HMCN1: variants seen among roughly 807,000 people sequenced by gnomAD.
HMCN1 encodes hemicentin-1.
HMCN1 carries 321 observed loss-of-function variants against 625.9 expected under a neutral mutation model. The ratio of observed to expected loss-of-function variants is 0.51; its 90% CI spans 0.47 to 0.56. The LOEUF (loss-of-function observed/expected upper bound fraction) is 0.56. HMCN1 is among the 20% of genes least tolerant of loss of function. The pLI is 0.00. For synonymous variants in HMCN1, 2,425 were observed against 2,417.6 expected, an observed-to-expected ratio of 1.00 and a Z score of -0.09; for missense variants, 6,588 against 6,887.3, an observed-to-expected ratio of 0.96 and a Z score of 1.54.
chr1:185,816,197 A>G (rs1659838763), intron 1 of HMCN1, among the ~76,000 whole-genome samples: 1 of 152,240 alleles, frequency 6.6e-6, no homozygotes. Flanking sequence ...CAAAGGAAGA[A>G]CAAATTATAG....
At chr1:185,985,313 G>C (rs748361386) in intron 19 of HMCN1, among the ~76,000 whole-genome samples, 3 of 152,168 alleles carry the variant, frequency 2.0e-5, no homozygotes, top group Non-Finnish European at 4.4e-5. Flanking sequence ...GGATATGGTT[G>C]TGTAACTATT....
intron 74 of HMCN1, 33 bp from the exon 75 acceptor site, chr1:186,115,225 G>T (rs747545443): frequency 6.2e-7 from 1 of 1,612,674 alleles, no homozygotes; most frequent in East Asian, 2.2e-5. Context: ...TTTGCTGACT[G>T]TGTTTCCTTC....
At chr1:186,053,717 AT>A (rs1440854570) in intron 43 of HMCN1, 107 bp from the exon 44 acceptor site, 2 of 1,079,292 alleles carry the variant, frequency 1.9e-6, no homozygotes, top group Non-Finnish European at 2.8e-6. Context: ...TTACAGTGTC[AT>A]TTGCCTTTTA....
chr1:186,082,107 A>G (rs761217700), intron 56 of HMCN1, among the ~76,000 whole-genome samples: 10 of 152,210 alleles, frequency 6.6e-5, no homozygotes, highest in Non-Finnish European at 1.3e-4. Flanking sequence ...TTTCTATGTG[A>G]TAATCATATA....
At chr1:185,757,712 C>G (rs1202391305) in intron 1 of HMCN1, among the ~76,000 whole-genome samples, 1 of 152,104 alleles carries the variant, frequency 6.6e-6, no homozygotes, top group African/African-American at 2.4e-5. Context: ...TGATATATTT[C>G]TAACTCTTTA....
chr1:185,867,216 T>C (rs1181304600), intron 4 of HMCN1, among the ~76,000 whole-genome samples: 1 of 152,190 alleles, frequency 6.6e-6, no homozygotes, highest in Admixed American at 6.5e-5. Context: ...GGTTATGCCT[T>C]AGGTTTATAT....
chr1:186,010,864 C>T (rs564217087), intron 30 of HMCN1, among the ~76,000 whole-genome samples: 1 of 152,116 alleles, frequency 6.6e-6, no homozygotes, highest in East Asian at 1.9e-4. Flanking sequence ...AAACAAATTT[C>T]TACAAAATTG....
intron 4 of HMCN1, among the ~76,000 whole-genome samples, chr1:185,899,163 T>A (rs1665662943): frequency 1.3e-5 from 2 of 152,158 alleles, no homozygotes; most frequent in Non-Finnish European, 2.9e-5. Context: ...CTCTAGTACA[T>A]GTTCCTTAGT....
chr1:186,165,186 A>G lies in HMCN1; in HGVS notation c.15319+13A>G, dbSNP rs1460197071. On this transcript the variant is annotated intron_variant, in intron 98 of 106. Coordinates refer to ENST00000271588, the MANE Select transcript of HMCN1 (RefSeq NM_031935.3). The stretch of plus-strand genomic sequence containing the variant: ...CCTTTTTGTGCTGGTAAGTACAGAG[A>G]TAAATAAAGGGTTTTCTTTTAATGA... The G allele has an allele frequency of 6.2e-7, 1 of 1,609,450 alleles. No homozygotes were observed. The highest frequency in any genetic ancestry group is 2.2e-5 in the East Asian group (1 of 44,840).
intron 2 of HMCN1, among the ~76,000 whole-genome samples, chr1:185,860,336 T>C (rs538132220): frequency 3.9e-5 from 6 of 152,276 alleles, no homozygotes; most frequent in African/African-American, 1.4e-4. Flanking sequence ...TGGGGCAGAA[T>C]AGTCATTTTT....
At chr1:185,939,930 GTATAGAT>G (rs1051417563) in intron 11 of HMCN1, among the ~76,000 whole-genome samples, 31 of 152,222 alleles carry the variant, frequency 2.0e-4, no homozygotes, top group Non-Finnish European at 4.0e-4. Context: ...ATAAATGGAA[GTATAGAT>G]TATAAAGTAA....
intron 100 of HMCN1, among the ~76,000 whole-genome samples, chr1:186,170,782 TGAG>T (rs1652178405): frequency 6.6e-6 from 1 of 152,122 alleles, no homozygotes; most frequent in Non-Finnish European, 1.5e-5. Context: ...CCCAAGAGTT[TGAG>T]GAGTTCATGC....
chr1:186,156,068 CTAACA>C (rs1654981419), intron 97 of HMCN1, among the ~76,000 whole-genome samples: 1 of 152,094 alleles, frequency 6.6e-6, no homozygotes, highest in Admixed American at 6.6e-5. Flanking sequence ...AGAAAACTCA[CTAACA>C]TAAGTCAGTG....
At chr1:186,013,275 GTTA>G (rs1220691177) in intron 30 of HMCN1, among the ~76,000 whole-genome samples, 1 of 152,098 alleles carries the variant, frequency 6.6e-6, no homozygotes, top group Admixed American at 6.6e-5. Context: ...GTCACAAAAT[GTTA>G]TTATTTTGAT....
In HMCN1 at chr1:186,189,970, A is replaced by G. The variant is rs558737295; in HGVS notation, c.*92A>G. 782 of 1,445,294 alleles carry G rather than the reference A, an allele frequency of 5.4e-4. 1 individual carries two copies. The highest frequency in any genetic ancestry group is 7.2e-4 in the Non-Finnish European group (747 of 1,038,368). The allele number at this position is 1,445,294 out of a possible 1,614,324, so 89.5% of individuals were successfully genotyped here. A position where few individuals can be genotyped will look rare whatever the true frequency, so the allele number is the denominator to read the frequency against. On this transcript the variant is annotated 3_prime_UTR_variant, in exon 107 of 107. Coordinates refer to ENST00000271588, the MANE Select transcript of HMCN1 (RefSeq NM_031935.3). ...GATTACTGTCTCTTGAACAGTTGCA[A>G]TCTTGGCAGCTTGAAAATGGTGCTA...
At chr1:186,176,642 A>T (rs1259454478) in intron 103 of HMCN1, among the ~76,000 whole-genome samples, 2 of 152,234 alleles carry the variant, frequency 1.3e-5, no homozygotes, top group Non-Finnish European at 2.9e-5. Context: ...TAAACAGGGC[A>T]GACCAGGTCT....
chr1:186,063,936 A>G (rs1657941715), intron 48 of HMCN1, among the ~76,000 whole-genome samples: 1 of 152,202 alleles, frequency 6.6e-6, no homozygotes, highest in Non-Finnish European at 1.5e-5. Flanking sequence ...TAAAGTAAGA[A>G]TGAAAGTAGC....
intron 10 of HMCN1, among the ~76,000 whole-genome samples, chr1:185,930,173 G>A (rs1223539450): frequency 1.3e-5 from 2 of 152,160 alleles, no homozygotes; most frequent in Non-Finnish European, 2.9e-5. Flanking sequence ...GAATAACTAG[G>A]AAATTGTACT....
intron 1 of HMCN1, among the ~76,000 whole-genome samples, chr1:185,805,078 G>A (rs1019934466): frequency 6.6e-6 from 1 of 151,982 alleles, no homozygotes; most frequent in African/African-American, 2.4e-5. Context: ...TTTTTAGTGG[G>A]GAAAAATTAT....
Sources: allele counts gnomAD v4.1 joint callset (sites outside exome capture counted in the v4.1 genomes callset), GRCh38; gene constraint gnomAD v4.1.1; transcripts MANE v1.5; gene names NCBI Gene and HGNC (gene_info 2026-07-23, HGNC 2026-07-21).